LTB4R: variants seen among roughly 807,000 people sequenced by gnomAD.
LTB4R encodes the protein leukotriene B4 receptor.
For synonymous variants in LTB4R, 250 were observed against 230.7 expected, an observed-to-expected ratio of 1.08 and a Z score of -0.76; for missense variants, 470 against 485.6, an observed-to-expected ratio of 0.97 and a Z score of 0.30.
intron 1 of LTB4R, 79 bp downstream of exon 1, chr14:24,311,883 G>A (rs1380074402): frequency 2.7e-6 from 2 of 736,342 alleles, no homozygotes; most frequent in Non-Finnish European, 4.4e-6. Context: ...ATACACTTGG[G>A]GCAGGCCCAG....
rs767311299 is a variant in LTB4R, at chr14:24,316,368, G to A, written c.717G>A (p.Val239=). 1 of 1,597,622 alleles carries A rather than the reference G, an allele frequency of 6.3e-7. No individual in the cohort carries two copies. The highest frequency in any genetic ancestry group is 1.1e-5 in the South Asian group (1 of 90,254). Residue 239 remains valine (V), a synonymous_variant, in exon 2 of 2, where the codon GTG becomes GTA. Coordinates refer to ENST00000345363, the MANE Select transcript of LTB4R (RefSeq NM_001143919.3). ...TFAAFWLPYH[V]VNLAEAGRAL... ...CCGCCTTCTGGCTGCCCTACCACGT[G>A]GTGAACCTGGCTGAGGCGGGCCGCG...
Position 24,311,946 on chromosome 14 carries a change from A to G in LTB4R, c.-16+142A>G, listed in dbSNP as rs144981504. 1.1e-3 allele frequency: 612 copies of G among 558,206 alleles called. 5 individuals are homozygous for G. The African/African-American group carries it at 0.011, about 10-fold the overall frequency. 34.6% of individuals were successfully genotyped at this position (558,206 alleles called of 1,614,324 possible). A position where few individuals can be genotyped will look rare whatever the true frequency, so the allele number is the denominator to read the frequency against. ...GTGGTGATGGTCCCTGTTAAGGACT[A>G]TTGTGTGCTTGCAAGTTGGCATGTA... On this transcript the variant is annotated intron_variant, in intron 1 of 1. Coordinates refer to ENST00000345363, the MANE Select transcript of LTB4R (RefSeq NM_001143919.3).
In LTB4R at chr14:24,311,766, C is replaced by T. The variant is rs769046751; in HGVS notation, c.-54C>T. ...ACAGCAGACCCTACAACCTGCTGCCCTTCCCTGTCCCTTTCCACCCCCCAC... is the reference window on the plus strand; with the variant it reads ...ACAGCAGACCCTACAACCTGCTGCCTTTCCCTGTCCCTTTCCACCCCCCAC... On this transcript the variant is annotated 5_prime_UTR_variant, in exon 1 of 2. Transcript: ENST00000345363. 1.1e-5 allele frequency: 16 copies of T among 1,516,356 alleles called. No individual in the cohort carries two copies. The highest frequency in any genetic ancestry group is 1.4e-5 in the Non-Finnish European group (16 of 1,125,982). 93.9% of individuals were successfully genotyped at this position (1,516,356 alleles called of 1,614,324 possible). A position where few individuals can be genotyped will look rare whatever the true frequency, so the allele number is the denominator to read the frequency against.
chr14:24,315,977 C>T lies in LTB4R; in HGVS notation c.326C>T (p.Thr109Met), dbSNP rs951705714. The T allele has an allele frequency of 5.6e-6, 9 of 1,613,926 alleles. No homozygotes were observed. The highest frequency in any genetic ancestry group is 1.7e-5 in the Admixed American group (1 of 60,018). The change falls in exon 2 of 2, where the codon ACG (threonine) becomes ATG (methionine). Residue 109 changes from threonine to methionine, a missense_variant. Transcript: ENST00000345363. ...ATGTACGCCAGCGTCCTGCTTATCA[C>T]GGCCATGAGTCTAGACCGCTCACTG... ...VSMYASVLLI[T>M]AMSLDRSLAV...
Position 24,316,521 on chromosome 14 carries a change from C to A in LTB4R, c.870C>A (p.Gly290=), listed in dbSNP as rs1242866174. 1 of 1,469,954 alleles carries A rather than the reference C, an allele frequency of 6.8e-7. No individual in the cohort carries two copies. The highest frequency in any genetic ancestry group is 1.5e-5 in the African/African-American group (1 of 67,518). The allele number at this position is 1,469,954 out of a possible 1,614,324, so 91.1% of individuals were successfully genotyped here. A position where few individuals can be genotyped will look rare whatever the true frequency, so the allele number is the denominator to read the frequency against. The change falls in exon 2 of 2, where the codon GGC becomes GGA. Residue 290 remains glycine, a synonymous_variant. Transcript: ENST00000345363. The part of the protein sequence containing the change: ...VNPVLYACAG[G]GLLRSAGVGF... ...CCGTGCTGTACGCGTGCGCCGGCGG[C>A]GGCCTGCTGCGCTCGGCGGGCGTGG...
rs1277030578 is a variant in LTB4R at position 24,316,600 on chromosome 14, C to T, written c.949C>T (p.Arg317Cys). ...GTGSEASSTR[R>C]GGSLGQTARS... Reference sequence around the variant, plus strand: ...GGGCTCCGAGGCGTCCAGCACGCGCCGCGGGGGCAGCCTGGGCCAGACCGC... The same window carrying T: ...GGGCTCCGAGGCGTCCAGCACGCGCTGCGGGGGCAGCCTGGGCCAGACCGC... The change falls in exon 2 of 2, where the codon CGC (arginine) becomes TGC (cysteine). Residue 317 changes from arginine to cysteine, a missense_variant. Physicochemically the swap from Arg to Cys is radical, Grantham distance 180. Coordinates refer to ENST00000345363, the MANE Select transcript of LTB4R (RefSeq NM_001143919.3). 8 of 1,466,300 alleles carry T rather than the reference C, an allele frequency of 5.5e-6. No individual in the cohort carries two copies. Among genetic ancestry groups the T allele is most frequent in the Non-Finnish European group, 9.0e-7 (1 of 1,115,554 alleles). 90.8% of individuals were successfully genotyped at this position (1,466,300 alleles called of 1,614,324 possible). A position where few individuals can be genotyped will look rare whatever the true frequency, so the allele number is the denominator to read the frequency against.
chr14:24,315,765 T>C lies in LTB4R; in HGVS notation c.114T>C (p.Phe38=), dbSNP rs148970420. ...CTGTGGGGCTTCCCGGCAACAGCTT[T>C]GTGGTGTGGAGTATCCTGAAAAGGA... ...ALAVGLPGNS[F]VVWSILKRMQ... is the part of the protein sequence containing the mutation. Residue 38 remains phenylalanine, a synonymous_variant, in exon 2 of 2, where the codon TTT becomes TTC. Coordinates refer to ENST00000345363, the MANE Select transcript of LTB4R (RefSeq NM_001143919.3). 2.4e-4 allele frequency: 387 copies of C among 1,614,198 alleles called. No homozygotes were observed. The African/African-American group carries it at 4.5e-3, about 19-fold the overall frequency.
chr14:24,312,637 C>T (rs1160763310), intron 1 of LTB4R, among the ~76,000 whole-genome samples: 1 of 152,214 alleles, frequency 6.6e-6, no homozygotes. Context: ...TTTGCCAAGT[C>T]TGGGCTCCTT....
chr14:24,312,944 A>G (rs1219481816), intron 1 of LTB4R, among the ~76,000 whole-genome samples: 1 of 152,144 alleles, frequency 6.6e-6, no homozygotes, highest in Non-Finnish European at 1.5e-5. Context: ...TACCCTGACC[A>G]TCACCCCAGG....
chr14:24,317,274 A>G lies in LTB4R; in HGVS notation c.*564A>G, dbSNP rs2041785612. 6.0e-6 allele frequency: 1 copy of G among 167,192 alleles called. No individual in the cohort carries two copies. The highest frequency in any genetic ancestry group is 2.1e-4 in the South Asian group (1 of 4,846). The allele number at this position is 167,192 out of a possible 1,614,324, so 10.4% of individuals were successfully genotyped here. On this transcript the variant is annotated 3_prime_UTR_variant, in exon 2 of 2. Coordinates refer to ENST00000345363, the MANE Select transcript of LTB4R (RefSeq NM_001143919.3). ...AATATCTTCCTTGAAGCCTGTGATA[A>G]GTCTCCTTGTTAGAATGACTCCAAC...
Position 24,316,802 on chromosome 14 carries a change from TGGAGGGC to T in LTB4R, c.*94_*100del. 1 of 1,078,900 alleles carries T rather than the reference TGGAGGGC, an allele frequency of 9.3e-7. No homozygotes were observed. The highest frequency in any genetic ancestry group is 1.7e-5 in the African/African-American group (1 of 59,456). 66.8% of individuals were successfully genotyped at this position (1,078,900 alleles called of 1,614,324 possible). A position where few individuals can be genotyped will look rare whatever the true frequency, so the allele number is the denominator to read the frequency against. ...AGGAGGAGCAGGGGCGTGGAGGGCG[TGGAGGGC>T]GTGGGAGCGTGGGAGGCGGGAGTGG... On this transcript the variant is annotated 3_prime_UTR_variant, in exon 2 of 2. Coordinates refer to ENST00000345363, the MANE Select transcript of LTB4R (RefSeq NM_001143919.3).
In LTB4R at chr14:24,311,789, C is replaced by T. The variant is rs370742033; in HGVS notation, c.-31C>T. On this transcript the variant is annotated 5_prime_UTR_variant, in exon 1 of 2. Coordinates refer to ENST00000345363, the MANE Select transcript of LTB4R (RefSeq NM_001143919.3). The stretch of plus-strand genomic sequence containing the variant: ...CCCTTCCCTGTCCCTTTCCACCCCC[C>T]ACCCACCCTCCAGAGGTCAGTGTTC... 6.8e-7 allele frequency: 1 copy of T among 1,461,044 alleles called. No homozygotes were observed. The highest frequency in any genetic ancestry group is 9.2e-7 in the Non-Finnish European group (1 of 1,085,948). 90.5% of individuals were successfully genotyped at this position (1,461,044 alleles called of 1,614,324 possible). A position where few individuals can be genotyped will look rare whatever the true frequency, so the allele number is the denominator to read the frequency against.
Position 24,315,625 on chromosome 14 carries a change from C to G in LTB4R, c.-15-12C>G. 6.3e-7 allele frequency: 1 copy of G among 1,580,508 alleles called. No individual in the cohort carries two copies. Among genetic ancestry groups the G allele is most frequent in the East Asian group, 2.2e-5 (1 of 44,676 alleles). On this transcript the variant is annotated splice_polypyrimidine_tract_variant and intron_variant, in intron 1 of 1. Transcript: ENST00000345363. The stretch of plus-strand genomic sequence containing the variant: ...CTCTACTCTCATGCGTGTGTCCGCC[C>G]TCACTCTCCAGGTCCTCCCGACGGC...
In LTB4R at chr14:24,311,619, C is replaced by G. The variant is rs1328785575; in HGVS notation, c.-201C>G. ...CTCTGGGGAGGCCCGAGGGGGCGGC[C>G]GCTCTAGGGAAGGGACCATGGAGCT... is the stretch of plus-strand genomic sequence containing the variant. On this transcript the variant is annotated 5_prime_UTR_variant, in exon 1 of 2. Coordinates refer to ENST00000345363, the MANE Select transcript of LTB4R (RefSeq NM_001143919.3). The G allele has an allele frequency of 6.2e-7, 1 of 1,613,140 alleles. No homozygotes were observed. Among genetic ancestry groups the G allele is most frequent in the African/African-American group, 1.3e-5 (1 of 75,060 alleles).
chr14:24,313,488 C>T (rs1317761534), intron 1 of LTB4R: 1 of 152,082 alleles, frequency 6.6e-6, no homozygotes, highest in Admixed American at 6.6e-5. Flanking sequence ...ACCTCAGTGG[C>T]CACCATTATA....
intron 1 of LTB4R, chr14:24,313,848 A>AG (rs1479235989): frequency 6.6e-6 from 1 of 152,182 alleles, no homozygotes; most frequent in Middle Eastern, 3.2e-3. Flanking sequence ...AGCCTCCCAA[A>AG]GTGCTGGGAT....
Position 24,316,305 on chromosome 14 carries a change from C to T in LTB4R, c.654C>T (p.Arg218=). The change falls in exon 2 of 2, where the codon CGC becomes CGT. Residue 218 remains arginine (R), a synonymous_variant. Transcript: ENST00000345363. ...CCCGGCGCTTCCGCCGCAGCCGCCG[C>T]ACCGGCCGCCTGGTGGTGCTCATCA... The part of the protein sequence containing the change: ...LQARRFRRSR[R]TGRLVVLIIL... 2 of 1,602,762 alleles carry T rather than the reference C, an allele frequency of 1.2e-6. No homozygotes were observed. Among genetic ancestry groups the T allele is most frequent in the Non-Finnish European group, 1.7e-6 (2 of 1,175,934 alleles).
In LTB4R at chr14:24,311,746, A is replaced by G. The variant is rs1262408802; in HGVS notation, c.-74A>G. The G allele has an allele frequency of 1.3e-6, 2 of 1,564,608 alleles. No homozygotes were observed. The highest frequency in any genetic ancestry group is 2.4e-5 in the South Asian group (2 of 84,264). ...GGTCCGGAATGGGACCTTTGACAGC[A>G]GACCCTACAACCTGCTGCCCTTCCC... is the stretch of plus-strand genomic sequence containing the variant. On this transcript the variant is annotated 5_prime_UTR_variant, in exon 1 of 2. Coordinates refer to ENST00000345363, the MANE Select transcript of LTB4R (RefSeq NM_001143919.3).
Position 24,316,950 on chromosome 14 carries a change from T to C in LTB4R, c.*240T>C, listed in dbSNP as rs763103883. 2 of 424,096 alleles carry C rather than the reference T, an allele frequency of 4.7e-6. No homozygotes were observed. Among genetic ancestry groups the C allele is most frequent in the Non-Finnish European group, 8.7e-6 (2 of 229,432 alleles). 26.3% of individuals were successfully genotyped at this position (424,096 alleles called of 1,614,324 possible). A position where few individuals can be genotyped will look rare whatever the true frequency, so the allele number is the denominator to read the frequency against. On this transcript the variant is annotated 3_prime_UTR_variant, in exon 2 of 2. Transcript: ENST00000345363. ...CTGAAGTCTGAAATTTGGTCAACCT[T>C]GTGAGTGGGGTACATGTGCTGTGGG...
Sources: allele counts gnomAD v4.1 joint callset (sites outside exome capture counted in the v4.1 genomes callset), GRCh38; gene constraint gnomAD v4.1.1; transcripts MANE v1.5; gene names NCBI Gene and HGNC (gene_info 2026-07-23, HGNC 2026-07-21).